Variants in PTPRM observed in about 807,000 individuals in gnomAD.
PTPRM encodes protein tyrosine phosphatase receptor type M, also known as receptor-type tyrosine-protein phosphatase mu.
In PTPRM, 47 loss-of-function variants were observed where a neutral mutation model predicts 186.7. That is an observed-to-expected ratio of 0.25 (90% CI 0.20 to 0.32). The LOEUF (loss-of-function observed/expected upper bound fraction) is 0.32. PTPRM is among the 10% of genes least tolerant of loss of function. The pLI is 1.00. For missense variants in PTPRM, 1,494 were observed against 1,865.0 expected (o/e 0.80, Z 3.66); for synonymous variants, 668 against 674.9 (o/e 0.99, Z 0.16).
At chr18:7,948,597 A>G (rs1330117783) in intron 5 of PTPRM, among the ~76,000 whole-genome samples, 1 of 152,198 alleles carries the variant, frequency 6.6e-6, no homozygotes, top group Non-Finnish European at 1.5e-5. Flanking sequence ...CTCTCTTGTT[A>G]CGTATGAATG....
chr18:8,125,724 T>C (rs2092317202), intron 13 of PTPRM, among the ~76,000 whole-genome samples: 1 of 151,672 alleles, frequency 6.6e-6, no homozygotes, highest in Non-Finnish European at 1.5e-5. Context: ...CTCTAAAGAG[T>C]ACACACAGAG....
intron 7 of PTPRM, among the ~76,000 whole-genome samples, chr18:7,991,963 G>A (rs2083289633): frequency 2.0e-5 from 3 of 152,074 alleles, no homozygotes; most frequent in Non-Finnish European, 4.4e-5. Context: ...TTGGGCATAG[G>A]AAAAGCTTTT....
chr18:8,082,406 A>G (rs2090174510), intron 9 of PTPRM, among the ~76,000 whole-genome samples: 1 of 152,044 alleles, frequency 6.6e-6, no homozygotes, highest in Admixed American at 6.6e-5. Flanking sequence ...ACACAGAATG[A>G]GAACTCTGGA....
chr18:8,023,612 C>G (rs186503444), intron 7 of PTPRM, among the ~76,000 whole-genome samples: 20 of 152,160 alleles, frequency 1.3e-4, no homozygotes, highest in Non-Finnish European at 1.3e-4. Context: ...TATTGTTCTT[C>G]CTGAGAATTA....
At chr18:8,260,834 G>A (rs111684449) in intron 19 of PTPRM, among the ~76,000 whole-genome samples, 5,309 of 152,300 alleles carry the variant, frequency 0.035, 103 homozygotes, top group South Asian at 0.057. Flanking sequence ...GCAGCAGGGC[G>A]CGGGAGGAAG....
chr18:7,735,483 G>GT (rs1250167364), intron 1 of PTPRM, among the ~76,000 whole-genome samples: 3 of 151,908 alleles, frequency 2.0e-5, no homozygotes, highest in African/African-American at 7.3e-5. Context: ...ATAGAACATA[G>GT]TCTTTGTACC....
chr18:8,126,198 C>T (rs1271646285), intron 13 of PTPRM, among the ~76,000 whole-genome samples: 2 of 150,364 alleles, frequency 1.3e-5, no homozygotes, highest in Non-Finnish European at 1.5e-5. Flanking sequence ...AGTTGATGAC[C>T]TGTCTTACTA....
intron 24 of PTPRM, among the ~76,000 whole-genome samples, chr18:8,374,218 G>T (rs778535208): frequency 3.9e-5 from 6 of 152,112 alleles, no homozygotes; most frequent in South Asian, 2.1e-4. Context: ...CAGAAAAAGA[G>T]TCTTAGATCA....
At chr18:7,887,985 A>G (rs1312320345) in intron 2 of PTPRM, 121 bp from the exon 3 acceptor site, 2 of 1,121,210 alleles carry the variant, frequency 1.8e-6, no homozygotes, top group Admixed American at 3.4e-5. Flanking sequence ...AAGAAATGGC[A>G]GTTTAAGCCT....
intron 14 of PTPRM, among the ~76,000 whole-genome samples, chr18:8,161,506 T>G (rs2093228883): frequency 6.6e-6 from 1 of 152,032 alleles, no homozygotes; most frequent in Non-Finnish European, 1.5e-5. Flanking sequence ...TCTTCCCATC[T>G]CCCCTGAGGG....
chr18:7,611,682 C>T (rs942639353), intron 1 of PTPRM, among the ~76,000 whole-genome samples: 11 of 151,978 alleles, frequency 7.2e-5, no homozygotes, highest in African/African-American at 1.9e-4. Flanking sequence ...ATCATGGGGG[C>T]GGGTCTTTCC....
At chr18:7,582,850 A>C (rs1034074072) in intron 1 of PTPRM, among the ~76,000 whole-genome samples, 1 of 152,168 alleles carries the variant, frequency 6.6e-6, no homozygotes, top group Non-Finnish European at 1.5e-5. Context: ...AATAATATGA[A>C]TTTTTTTCAA....
chr18:8,277,001 G>A (rs574586589), intron 19 of PTPRM, among the ~76,000 whole-genome samples: 3 of 151,328 alleles, frequency 2.0e-5, no homozygotes, highest in East Asian at 1.9e-4. Flanking sequence ...GTTCAGTGAC[G>A]CAGAGTTTCA....
intron 13 of PTPRM, among the ~76,000 whole-genome samples, chr18:8,138,867 A>T (rs554034259): frequency 6.6e-6 from 1 of 151,888 alleles, no homozygotes; most frequent in African/African-American, 2.4e-5. Context: ...CTGTTTCGTG[A>T]TCCCTTTCTT....
chr18:7,853,939 T>TG (rs2046980748), intron 2 of PTPRM, among the ~76,000 whole-genome samples: 1 of 152,198 alleles, frequency 6.6e-6, no homozygotes. Context: ...GCTGAGCTAA[T>TG]GAGAGCAGGT....
chr18:8,201,051 C>T (rs769676856), intron 14 of PTPRM, among the ~76,000 whole-genome samples: 12 of 152,174 alleles, frequency 7.9e-5, no homozygotes, highest in African/African-American at 1.2e-4. Flanking sequence ...CACGATGGCT[C>T]CCGCCTGTAA....
intron 1 of PTPRM, chr18:7,751,215 T>A (rs1339574253): frequency 6.6e-6 from 1 of 152,324 alleles, no homozygotes; most frequent in African/African-American, 2.4e-5. Flanking sequence ...TGGCTCAGAC[T>A]ACTTCTGCCA....
chr18:8,090,887 G>A (rs1246550753), intron 11 of PTPRM, among the ~76,000 whole-genome samples: 2 of 152,156 alleles, frequency 1.3e-5, no homozygotes, highest in African/African-American at 2.4e-5. Flanking sequence ...GAGCCACCAT[G>A]CCTGGCCAAG....
chr18:8,323,658 A>G (rs2095359085), intron 22 of PTPRM, among the ~76,000 whole-genome samples: 1 of 152,008 alleles, frequency 6.6e-6, no homozygotes, highest in Non-Finnish European at 1.5e-5. Flanking sequence ...CTTGCCATAT[A>G]TAGTTTCTTT....
Sources: allele counts gnomAD v4.1 joint callset (sites outside exome capture counted in the v4.1 genomes callset), GRCh38; gene constraint gnomAD v4.1.1; transcripts MANE v1.5; gene names NCBI Gene and HGNC (gene_info 2026-07-23, HGNC 2026-07-21).